SEMA3F: variants seen among roughly 807,000 people sequenced by gnomAD.
SEMA3F encodes semaphorin-3F.
In SEMA3F, 30 loss-of-function variants were observed where a neutral mutation model predicts 98.5. The ratio of observed to expected loss-of-function variants is 0.30; its 90% CI spans 0.23 to 0.41. SEMA3F has a LOEUF of 0.41. Among genes scored for constraint, SEMA3F ranks in the 10% least tolerant of loss-of-function variants. The probability of loss-of-function intolerance (pLI) is 1.00; values close to 1 mark genes in which losing one functional copy is unlikely to be tolerated. For synonymous variants in SEMA3F, 380 were observed against 444.8 expected (o/e 0.85, Z 1.83); for missense variants, 866 against 1,119.3 (o/e 0.77, Z 3.23).
At chr3:50,173,486 C>A (rs1371055893) in intron 2 of SEMA3F, 3 of 340,466 alleles carry the variant, frequency 8.8e-6, no homozygotes, top group South Asian at 3.8e-5. Context: ...AACAAACAAA[C>A]AAAAAATAAG....
At chr3:50,187,136 G>A (rs751256811) in intron 18 of SEMA3F, among the ~76,000 whole-genome samples, 3 of 152,120 alleles carry the variant, frequency 2.0e-5, no homozygotes, top group Non-Finnish European at 2.9e-5. Flanking sequence ...CTCGTTAAAT[G>A]GAAATTCTGG....
At position 50,183,191 on chromosome 3, in the gene SEMA3F, G is replaced by A. The variant is rs571093852; in HGVS notation, c.1024G>A (p.Val342Met). The change falls in exon 11 of 19, where the codon GTG becomes ATG. Residue 342 changes from valine to methionine, a missense_variant. Val to Met is a conservative substitution (Grantham distance 21). Coordinates refer to ENST00000002829, the MANE Select transcript of SEMA3F (RefSeq NM_004186.5). ...IETHFDELQD[V>M]FVQQTQDVRN... is the part of the protein sequence containing the mutation. ...CCTTCTCCCTCTGTCCCCAGAGGAC[G>A]TGTTTGTCCAGCAGACCCAGGACGT... 9.3e-6 allele frequency: 15 copies of A among 1,613,974 alleles called. No homozygotes were observed. Among genetic ancestry groups the A allele is most frequent in the Admixed American group, 1.7e-5 (1 of 60,014 alleles).
intron 12 of SEMA3F, 112 bp downstream of exon 12, chr3:50,183,676 C>T (rs1014732818): frequency 6.7e-6 from 8 of 1,193,586 alleles, no homozygotes; most frequent in South Asian, 1.4e-5. Flanking sequence ...CCAGCGGAGG[C>T]GGTGAGCTGT....
rs1206895662 is a variant in SEMA3F at position 50,158,727 on chromosome 3, A to G, written c.-48-848A>G. Among the ~76,000 whole-genome samples the G allele has an allele frequency of 1.3e-5, 2 of 152,216 alleles. No individual in the cohort carries two copies. The highest frequency in any genetic ancestry group is 2.9e-5 in the Non-Finnish European group (2 of 68,034). On this transcript the variant is annotated intron_variant, in intron 1 of 18. Coordinates refer to ENST00000002829, the MANE Select transcript of SEMA3F (RefSeq NM_004186.5). This position sits in a 1 kb window ranked among gnomAD's most constrained non-coding sequence, Gnocchi z 4.8. ...CGGGAGGGAGCAATATGTTCTGACA[A>G]CTGGTGCTGGGCTGCGTTTACCCAA...
rs750266971 is a variant in SEMA3F at position 50,188,009 on chromosome 3, G to A, written c.2252G>A (p.Arg751His). The change falls in exon 19 of 19, where the codon CGC (arginine) becomes CAC (histidine). Residue 751 changes from arginine (R) to histidine (H), a missense_variant. Arg to His is a conservative substitution (Grantham distance 29). Transcript: ENST00000002829. The surrounding 1 kb of genome is among the most constrained non-coding windows in gnomAD (Gnocchi z 4.5). ...CACCAGTACTGCCAGGGTTACTGGC[G>A]CCATGTGCCCCCCAGCCCCAGGGAG... ...LIHQYCQGYWRHVPPSPREAP... is the reference protein window; with the variant it reads ...LIHQYCQGYWHHVPPSPREAP... 18 of 1,602,822 alleles carry A rather than the reference G, an allele frequency of 1.1e-5. No individual in the cohort carries two copies. Among genetic ancestry groups the A allele is most frequent in the Middle Eastern group, 3.3e-4 (2 of 6,070 alleles).
At chr3:50,184,524 C>A in intron 12 of SEMA3F, 68 bp from the exon 13 acceptor site, 1 of 1,190,808 alleles carries the variant, frequency 8.4e-7, no homozygotes, top group Non-Finnish European at 1.2e-6. Flanking sequence ...GCGGCCTCTT[C>A]TGAAGCTAAT....
intron 2 of SEMA3F, among the ~76,000 whole-genome samples, chr3:50,163,352 G>T (rs1024322310): frequency 2.0e-5 from 3 of 152,240 alleles, no homozygotes; most frequent in Admixed American, 2.0e-4. Context: ...TCCCTAGGAA[G>T]GCCTCTCATG....
At chr3:50,178,829 C>CTTT (rs1226887922) in intron 7 of SEMA3F, among the ~76,000 whole-genome samples, 8 of 75,160 alleles carry the variant, frequency 1.1e-4, no homozygotes, top group Non-Finnish European at 1.5e-4. Flanking sequence ...AATTCTTTTT[C>CTTT]TTTTTTTTTT....
In SEMA3F at chr3:50,175,236, C is replaced by T. The variant is rs781165707; in HGVS notation, c.549+48C>T. The T allele has an allele frequency of 2.1e-5, 28 of 1,330,926 alleles. No homozygotes were observed. In the East Asian group the frequency reaches 4.5e-4, roughly 21 times the overall value. The allele number at this position is 1,330,926 out of a possible 1,614,324, so 82.4% of individuals were successfully genotyped here. A position where few individuals can be genotyped will look rare whatever the true frequency, so the allele number is the denominator to read the frequency against. Reference sequence around the variant, plus strand: ...TTTGCCAGGCAGCACTGCCTCTGAGCGGAACTCACCCTGGGCCTGCACCTG... The same window carrying T: ...TTTGCCAGGCAGCACTGCCTCTGAGTGGAACTCACCCTGGGCCTGCACCTG... On this transcript the variant is annotated intron_variant, in intron 6 of 18. Transcript: ENST00000002829.
At chr3:50,167,890 C>A (rs1369911656) in intron 2 of SEMA3F, among the ~76,000 whole-genome samples, 1 of 152,230 alleles carries the variant, frequency 6.6e-6, no homozygotes, top group Non-Finnish European at 1.5e-5. Flanking sequence ...ACATTTCCCA[C>A]CACATTTCCT....
rs1698126181 is a variant in SEMA3F at position 50,159,610 on chromosome 3, G to C, written c.-13G>C. 1 of 1,555,614 alleles carries C rather than the reference G, an allele frequency of 6.4e-7. No individual in the cohort carries two copies. Among genetic ancestry groups the C allele is most frequent in the Middle Eastern group, 1.7e-4 (1 of 5,932 alleles). ...AGTGGAGCCTGCTTCCTGGGCCCTA[G>C]GCCCCTCCCACAATGCTTGTCGCCG... On this transcript the variant is annotated 5_prime_UTR_variant, in exon 2 of 19. Transcript: ENST00000002829.
At chr3:50,184,026 A>G (rs1699117826) in intron 12 of SEMA3F, among the ~76,000 whole-genome samples, 1 of 152,128 alleles carries the variant, frequency 6.6e-6, no homozygotes, top group African/African-American at 2.4e-5. Context: ...ATCTGGTCCA[A>G]TGCAGTTCTG....
chr3:50,188,089 C>T lies in SEMA3F; in HGVS notation c.2332C>T (p.Arg778Cys), dbSNP rs776795355. 1.2e-5 allele frequency: 18 copies of T among 1,544,834 alleles called. No homozygotes were observed. The highest frequency in any genetic ancestry group is 4.1e-5 in the African/African-American group (3 of 72,794). ...EPQDQKKPRN[R>C]RHHPPDT ...CCAGGACCAGAAAAAGCCCCGGAAC[C>T]GCCGGCACCACCCTCCGGACACATG... Residue 778 changes from arginine to cysteine, a missense_variant, in exon 19 of 19, where the codon CGC (arginine) becomes TGC (cysteine). By Grantham distance (180) the Arg-to-Cys change is radical (BLOSUM62 -3). Coordinates refer to ENST00000002829, the MANE Select transcript of SEMA3F (RefSeq NM_004186.5). The surrounding 1 kb of genome is among the most constrained non-coding windows in gnomAD (Gnocchi z 4.5).
Position 50,155,344 on chromosome 3 carries a change from A to G in SEMA3F, c.-269A>G. On this transcript the variant is annotated 5_prime_UTR_variant, in exon 1 of 19. An upstream start codon of the reference 5' UTR is lost. Transcript: ENST00000002829. The surrounding 1 kb of genome is among the most constrained non-coding windows in gnomAD (Gnocchi z 4.9). ...GCCCCGAGCGCCCCTGAGCCTTCCC[A>G]TGGCCCGGGCTGGGGCCCGGGCCCT... 1 of 296,100 alleles carries G rather than the reference A, an allele frequency of 3.4e-6. No individual in the cohort carries two copies. The allele number at this position is 296,100 out of a possible 1,614,324, so 18.3% of individuals were successfully genotyped here.
In SEMA3F at chr3:50,174,045, T is replaced by C; in HGVS notation, c.274-7T>C. ...AAGGCTGCACCTTCTGACCCCCCTC[T>C]CTGCAGATACACTGGGCAGCCTCCC... is the stretch of plus-strand genomic sequence containing the variant. On this transcript the variant is annotated splice_region_variant and splice_polypyrimidine_tract_variant and intron_variant, in intron 3 of 18. Coordinates refer to ENST00000002829, the MANE Select transcript of SEMA3F (RefSeq NM_004186.5). 3.7e-6 allele frequency: 6 copies of C among 1,614,090 alleles called. No homozygotes were observed. The highest frequency in any genetic ancestry group is 1.3e-5 in the African/African-American group (1 of 75,054).
chr3:50,186,121 G>C, intron 16 of SEMA3F, 75 bp downstream of exon 16: 1 of 1,509,380 alleles, frequency 6.6e-7, no homozygotes, highest in South Asian at 1.2e-5. Flanking sequence ...GGGTGCATGT[G>C]ATATTACCCG....
chr3:50,177,468 T>G (rs1698856385), intron 7 of SEMA3F, among the ~76,000 whole-genome samples: 1 of 152,138 alleles, frequency 6.6e-6, no homozygotes, highest in Non-Finnish European at 1.5e-5. Flanking sequence ...TTTCTGATTG[T>G]TCAACACAGT....
chr3:50,169,664 C>T (rs1373817136), intron 2 of SEMA3F, among the ~76,000 whole-genome samples: 2 of 152,206 alleles, frequency 1.3e-5, no homozygotes, highest in African/African-American at 4.8e-5. Flanking sequence ...GCCCCTCCCT[C>T]AACATTGCCA....
chr3:50,171,578 A>G (rs1410776176), intron 2 of SEMA3F, among the ~76,000 whole-genome samples: 4 of 152,084 alleles, frequency 2.6e-5, no homozygotes, highest in Non-Finnish European at 5.9e-5. Context: ...GCCCCCAGCC[A>G]GGGTATAAAT....
Sources: gnomAD v4.1 joint callset for allele counts (sites outside exome capture counted in the v4.1 genomes callset) on GRCh38, gnomAD v4.1.1 for gene constraint, Gnocchi (gnomAD v3.1) non-coding constraint, MANE v1.5 for transcripts, NCBI Gene and HGNC (gene_info 2026-07-23, HGNC 2026-07-21) for gene names.